The following POTEC variants were observed in gnomAD, a reference collection of about 807,000 sequenced individuals.
POTEC encodes the protein POTE ankyrin domain family member C, also known as ANKRD26-like family B member 2.
In POTEC, 35 loss-of-function variants were observed where a neutral mutation model predicts 62.0. The observed-to-expected ratio is 0.56, with a 90% CI of 0.43 to 0.75. POTEC has a LOEUF of 0.75. POTEC is among the 30% of genes least tolerant of loss of function. The pLI is 0.00. For synonymous variants in POTEC, 156 were observed against 221.5 expected (o/e 0.70, Z 2.62); for missense variants, 472 against 655.9 (o/e 0.72, Z 3.06).
intron 4 of POTEC, among the ~76,000 whole-genome samples, chr18:14,533,565 C>G (rs1028000466): frequency 3.3e-5 from 5 of 151,982 alleles, no homozygotes; most frequent in Admixed American, 3.3e-4. Flanking sequence ...AGAAAATTAG[C>G]TAGGGGGTAA....
intron 6 of POTEC, among the ~76,000 whole-genome samples, chr18:14,529,390 A>C (rs1905424346): frequency 6.6e-6 from 1 of 152,128 alleles, no homozygotes; most frequent in African/African-American, 2.4e-5. Flanking sequence ...AAGCACAGAA[A>C]TGAAATAGAG....
In POTEC at chr18:14,537,537, G is replaced by GA. The variant is rs983566377; in HGVS notation, c.810+263dup. Among the ~76,000 whole-genome samples the GA allele has an allele frequency of 2.0e-3, 285 of 144,622 alleles. 2 individuals are homozygous for GA. The highest frequency in any genetic ancestry group is 7.1e-3 in the Middle Eastern group (2 of 282). The allele number at this position is 144,622 out of a possible 152,430, so 94.9% of individuals were successfully genotyped here. On this transcript the variant is annotated intron_variant, in intron 3 of 10. Transcript: ENST00000358970. ...AAAAAAAAGTTGGCAGGGAAAAATT[G>GA]AAAAAAAAAAGTATTACCTTTTACA...
chr18:14,537,222 A>AC (rs1905769706), intron 3 of POTEC, among the ~76,000 whole-genome samples: 4 of 121,692 alleles, frequency 3.3e-5, no homozygotes, highest in African/African-American at 9.1e-5. Context: ...AAAAAAAAAA[A>AC]AAACAAAAAA....
intron 1 of POTEC, among the ~76,000 whole-genome samples, chr18:14,539,947 G>A (rs1905876804): frequency 6.6e-6 from 1 of 151,974 alleles, no homozygotes; most frequent in Admixed American, 6.6e-5. Context: ...ATGACTAAAC[G>A]GATTGAAAGA....
Position 14,530,009 on chromosome 18 carries a change from A to T in POTEC, c.1126+474T>A, listed in dbSNP as rs148930308. ...CACCACACAGGAGGAGGTGAGCAGC[A>T]GGCAAACCAGGGAAGCTTCACCTGT... On this transcript the variant is annotated intron_variant, in intron 6 of 10. Transcript: ENST00000358970. Among the ~76,000 whole-genome samples the T allele has an allele frequency of 1.3e-3, 194 of 152,144 alleles. 1 individual carries two copies. The highest frequency in any genetic ancestry group is 3.9e-3 in the African/African-American group (161 of 41,540).
chr18:14,536,408 T>C (rs997946315), intron 3 of POTEC, among the ~76,000 whole-genome samples: 4 of 151,644 alleles, frequency 2.6e-5, no homozygotes, highest in Admixed American at 6.6e-5. Context: ...TTTGTTGTTG[T>C]TGTTGTTAGA....
chr18:14,537,911 T>C lies in POTEC; in HGVS notation c.700A>G (p.Ile234Val). Residue 234 changes from isoleucine (I) to valine (V), a missense_variant, in exon 3 of 11, where the codon ATT (isoleucine) becomes GTT (valine). By Grantham distance (29) the Ile-to-Val change is conservative. This residue lies in a region of POTEC where 52 missense variants were observed against 54.2 expected (regional missense o/e 0.96). Transcript: ENST00000358970. Reference protein sequence around the residue: ...MLLEHGADQNIPDEYGNTTLH... With the variant: ...MLLEHGADQNVPDEYGNTTLH... Reference sequence around the variant, plus strand: ...GTGGTATTTCCATACTCATCTGGAATATTTTGATCAGCGCCATGTTCCAGC... The same window carrying C: ...GTGGTATTTCCATACTCATCTGGAACATTTTGATCAGCGCCATGTTCCAGC... The C allele has an allele frequency of 6.2e-7, 1 of 1,612,694 alleles. No homozygotes were observed. Among genetic ancestry groups the C allele is most frequent in the Non-Finnish European group, 8.5e-7 (1 of 1,179,810 alleles).
At position 14,542,818 on chromosome 18, in the gene POTEC, C is replaced by G. The variant is rs772655684; in HGVS notation, c.329G>C (p.Arg110Thr). ...GCCCACGTTGCTCTTGCCGCTCCCC[C>G]TGCAGCAGGGGAAGCAGTGACAGCA... ...KWCCHCFPCC[R>T]GSGKSNVGAW... The change falls in exon 1 of 11, where the codon AGG (arginine) becomes ACG (threonine). Residue 110 changes from arginine to threonine, a missense_variant. Coordinates refer to ENST00000358970, the MANE Select transcript of POTEC (RefSeq NM_001137671.2). 2.5e-6 allele frequency: 4 copies of G among 1,612,444 alleles called. No individual in the cohort carries two copies. The highest frequency in any genetic ancestry group is 1.7e-6 in the Non-Finnish European group (2 of 1,179,294).
chr18:14,517,503 T>C (rs1910194904), intron 9 of POTEC, among the ~76,000 whole-genome samples: 1 of 152,010 alleles, frequency 6.6e-6, no homozygotes, highest in African/African-American at 2.4e-5. Context: ...CAAAGGTTCA[T>C]AATCCCTTGA....
At chr18:14,515,978 T>C (rs867465705) in intron 9 of POTEC, among the ~76,000 whole-genome samples, 3 of 151,856 alleles carry the variant, frequency 2.0e-5, no homozygotes, top group Admixed American at 6.6e-5. Flanking sequence ...AGATATCACC[T>C]CACTTCAGCC....
chr18:14,524,054 AT>A, intron 7 of POTEC, among the ~76,000 whole-genome samples: 1 of 152,286 alleles, frequency 6.6e-6, no homozygotes, highest in African/African-American at 2.4e-5. Flanking sequence ...AAATTCTTAA[AT>A]TTTAATTGAA....
intron 6 of POTEC, among the ~76,000 whole-genome samples, chr18:14,525,998 T>A (rs1910425339): frequency 6.6e-6 from 1 of 152,066 alleles, no homozygotes; most frequent in Non-Finnish European, 1.5e-5. Flanking sequence ...GACTCCCTGG[T>A]TCAAATGATT....
chr18:14,518,554 T>A (rs1910226864), intron 9 of POTEC, among the ~76,000 whole-genome samples: 2 of 144,054 alleles, frequency 1.4e-5, no homozygotes, highest in South Asian at 4.6e-4. Flanking sequence ...CTTCGTTACG[T>A]TAGAGAGCAT....
intron 10 of POTEC, 145 bp downstream of exon 10, chr18:14,513,517 G>A (rs1598475816): frequency 1.5e-6 from 2 of 1,312,578 alleles, no homozygotes; most frequent in East Asian, 2.5e-5. Context: ...AGGATATACA[G>A]GGTGTGTGTT....
rs182349067 is a variant in POTEC at position 14,526,529 on chromosome 18, C to A, written c.1127-1546G>T. Among the ~76,000 whole-genome samples the A allele has an allele frequency of 1.3e-3, 191 of 152,128 alleles. 1 individual carries two copies. The highest frequency in any genetic ancestry group is 4.3e-3 in the African/African-American group (178 of 41,524). On this transcript the variant is annotated intron_variant, in intron 6 of 10. Coordinates refer to ENST00000358970, the MANE Select transcript of POTEC (RefSeq NM_001137671.2). ...GTCAGGGATGGCTTTTCTAGAACAC[C>A]TGCCCAAGCAGAGACTCAAATATTG...
chr18:14,511,486 CTGTCAGCGTTAGAGT>C lies in POTEC; in HGVS notation c.*397_*411del, dbSNP rs1910005923. On this transcript the variant is annotated 3_prime_UTR_variant, in exon 11 of 11. Transcript: ENST00000358970. ...CTTAATTTTTAGGTTGTTAATTTTACTGTCAGCGTTAGAGTTGTTCAGAAAGAATCTCACTGTTAT... is the reference window on the plus strand; with the variant it reads ...CTTAATTTTTAGGTTGTTAATTTTACTGTTCAGAAAGAATCTCACTGTTAT... The C allele has an allele frequency of 3.5e-6, 1 of 285,308 alleles. No individual in the cohort carries two copies. The highest frequency in any genetic ancestry group is 6.6e-6 in the Non-Finnish European group (1 of 150,586). 17.7% of individuals were successfully genotyped at this position (285,308 alleles called of 1,614,324 possible).
At chr18:14,540,479 G>A (rs369851517) in intron 1 of POTEC, among the ~76,000 whole-genome samples, 3 of 152,072 alleles carry the variant, frequency 2.0e-5, no homozygotes, top group East Asian at 1.9e-4. Flanking sequence ...TTCTGTTTGT[G>A]TATATGTATA....
rs1158074623 is a variant in POTEC, at chr18:14,524,892, T to C, written c.1197+21A>G. ...AGAAAACAACATTAAATCAAAAATT[T>C]AAATTTAAAATTTTCCATGCCTCTG... On this transcript the variant is annotated intron_variant, in intron 7 of 10. Transcript: ENST00000358970. 4 of 1,603,674 alleles carry C rather than the reference T, an allele frequency of 2.5e-6. No homozygotes were observed. In the African/African-American group the frequency reaches 5.4e-5, roughly 22 times the overall value.
At chr18:14,512,323 A>G (rs545348079) in intron 10 of POTEC, among the ~76,000 whole-genome samples, 26 of 152,366 alleles carry the variant, frequency 1.7e-4, no homozygotes, top group African/African-American at 5.3e-4. Context: ...TTGGGTTTAC[A>G]CTCTGATATC....
Sources: allele counts gnomAD v4.1 joint callset (sites outside exome capture counted in the v4.1 genomes callset), GRCh38; gene constraint gnomAD v4.1.1; regional missense constraint gnomAD v4.1.1; transcripts MANE v1.5; gene names NCBI Gene and HGNC (gene_info 2026-07-23, HGNC 2026-07-21).